The following MME variants were observed in gnomAD, a reference collection of about 807,000 sequenced individuals.
MME encodes neprilysin.
In MME, 98 loss-of-function variants were observed where a neutral mutation model predicts 113.2. The observed-to-expected ratio is 0.87, with a 90% CI of 0.74 to 1.02. MME has a LOEUF of 1.02. Among genes scored for constraint, MME ranks in the 50% least tolerant of loss-of-function variants. The probability of loss-of-function intolerance (pLI) is 0.00; values close to 1 mark genes in which losing one functional copy is unlikely to be tolerated. For missense variants in MME, 836 were observed against 896.0 expected, an observed-to-expected ratio of 0.93 and a Z score of 0.86; for synonymous variants, 292 against 300.6, an observed-to-expected ratio of 0.97 and a Z score of 0.30.
rs375985492 is a variant in MME at position 155,148,862 on chromosome 3, G to T, written c.1601+209G>T. On this transcript the variant is annotated intron_variant, in intron 16 of 22. Transcript: ENST00000360490. ...AGATTAAAATACCTTTCTCATTAAG[G>T]TATCCTCAAATTTACATGTCTTTAG... 2.4e-4 allele frequency among the ~76,000 whole-genome samples: 37 copies of T among 152,186 alleles called. No individual in the cohort carries two copies. The East Asian group carries it at 6.6e-3, about 27-fold the overall frequency.
intron 3 of MME, among the ~76,000 whole-genome samples, chr3:155,091,974 G>C (rs572719994): frequency 6.6e-6 from 1 of 152,272 alleles, no homozygotes; most frequent in South Asian, 2.1e-4. Context: ...AATGGTATAT[G>C]TATATAAAGT....
intron 3 of MME, among the ~76,000 whole-genome samples, chr3:155,105,425 G>C (rs1717605740): frequency 6.6e-6 from 1 of 152,176 alleles, no homozygotes; most frequent in South Asian, 2.1e-4. Flanking sequence ...AAAAGCATCA[G>C]CTTAAAATTA....
intron 1 of MME, among the ~76,000 whole-genome samples, chr3:155,049,671 CTA>C (rs60402470): frequency 9.2e-6 from 1 of 108,246 alleles, no homozygotes; most frequent in East Asian, 2.7e-4. Context: ...ATCTATCTAT[CTA>C]TATATAGAGA....
intron 1 of MME, among the ~76,000 whole-genome samples, chr3:155,048,618 G>GT (rs895909616): frequency 1.3e-4 from 19 of 151,960 alleles, no homozygotes; most frequent in Non-Finnish European, 2.5e-4. Context: ...CCTGCATACC[G>GT]TTTTTTTACA....
rs925599894 is a variant in MME at position 155,081,222 on chromosome 3, T to G, written c.-11+756T>G. 68 of 152,244 alleles carry G rather than the reference T, an allele frequency of 4.5e-4. 1 individual carries two copies. Among genetic ancestry groups the G allele is most frequent in the Non-Finnish European group, 1.0e-4 (7 of 68,042 alleles). 9.4% of individuals were successfully genotyped at this position (152,244 alleles called of 1,614,324 possible). A position where few individuals can be genotyped will look rare whatever the true frequency, so the allele number is the denominator to read the frequency against. Reference sequence around the variant, plus strand: ...CTGCAGATATAAGTTAATGTTATAATGTGCAGTGAAGATGAAAACTGCTTA... The same window carrying G: ...CTGCAGATATAAGTTAATGTTATAAGGTGCAGTGAAGATGAAAACTGCTTA... On this transcript the variant is annotated intron_variant, in intron 1 of 22. Coordinates refer to ENST00000360490, the MANE Select transcript of MME (RefSeq NM_007289.4).
At chr3:155,178,082 A>G (rs1479794976) in intron 22 of MME, among the ~76,000 whole-genome samples, 1 of 152,104 alleles carries the variant, frequency 6.6e-6, no homozygotes, top group Non-Finnish European at 1.5e-5. Context: ...TCATTCACAC[A>G]ACCTGCCATT....
At chr3:155,178,936 G>C (rs780630041) in intron 22 of MME, among the ~76,000 whole-genome samples, 6 of 152,156 alleles carry the variant, frequency 3.9e-5, no homozygotes, top group Non-Finnish European at 7.3e-5. Flanking sequence ...TACAAAGGCT[G>C]TATTTTGCCC....
At chr3:155,097,160 T>C (rs1196322210) in intron 3 of MME, among the ~76,000 whole-genome samples, 1 of 152,092 alleles carries the variant, frequency 6.6e-6, no homozygotes, top group African/African-American at 2.4e-5. Flanking sequence ...CACTGTGAGA[T>C]AGTTTAAATT....
intron 1 of MME, among the ~76,000 whole-genome samples, chr3:155,042,920 A>ATATATATATACG: frequency 1.7e-5 from 1 of 59,916 alleles, no homozygotes; most frequent in East Asian, 6.0e-4. Flanking sequence ...ATATATATAT[A>ATATATATATACG]TATATATATA....
At chr3:155,174,606 A>G (rs1408738427) in intron 22 of MME, among the ~76,000 whole-genome samples, 1 of 152,052 alleles carries the variant, frequency 6.6e-6, no homozygotes, top group African/African-American at 2.4e-5. Flanking sequence ...TTATATAGAA[A>G]TATTTCTGAA....
chr3:155,036,723 CTTTTGAA>C (rs1441722508), intron 1 of MME, among the ~76,000 whole-genome samples: 1 of 151,888 alleles, frequency 6.6e-6, no homozygotes, highest in Admixed American at 6.6e-5. Context: ...CTTGTCTTTT[CTTTTGAA>C]TAGTAGAACT....
At chr3:155,056,969 G>T (rs550809644) in intron 1 of MME, among the ~76,000 whole-genome samples, 1 of 152,096 alleles carries the variant, frequency 6.6e-6, no homozygotes, top group African/African-American at 2.4e-5. Context: ...AGACTTAAAC[G>T]TTAGACCTAA....
In MME at chr3:155,115,166, A is replaced by G; in HGVS notation, c.358+11A>G. 5 of 1,613,650 alleles carry G rather than the reference A, an allele frequency of 3.1e-6. No individual in the cohort carries two copies. Among genetic ancestry groups the G allele is most frequent in the Non-Finnish European group, 4.2e-6 (5 of 1,179,772 alleles). On this transcript the variant is annotated intron_variant, in intron 4 of 22. Coordinates refer to ENST00000360490, the MANE Select transcript of MME (RefSeq NM_007289.4). ...AAGTCGTTTTGAAAGGTTAGTAGAG[A>G]TTGTGTCTGTGCATCAAAGATTTCT... is the stretch of plus-strand genomic sequence containing the variant.
intron 1 of MME, among the ~76,000 whole-genome samples, chr3:155,054,698 T>A (rs1031037764): frequency 1.8e-4 from 28 of 152,242 alleles, no homozygotes; most frequent in Middle Eastern, 6.8e-3. Flanking sequence ...ACCCCTGTAG[T>A]CCTAGCTACT....
chr3:155,124,961 C>A (rs556170249), intron 8 of MME, among the ~76,000 whole-genome samples: 36 of 152,298 alleles, frequency 2.4e-4, no homozygotes, highest in Non-Finnish European at 1.9e-4. Context: ...TTCGAGCTTC[C>A]GGGCTGCTTT....
intron 3 of MME, among the ~76,000 whole-genome samples, chr3:155,104,440 C>A (rs896314776): frequency 2.0e-5 from 3 of 152,142 alleles, no homozygotes; most frequent in South Asian, 4.1e-4. Flanking sequence ...TAGAAAAGAG[C>A]CTTTTTAGAA....
At chr3:155,139,143 T>C (rs1306087844) in intron 9 of MME, among the ~76,000 whole-genome samples, 1 of 152,038 alleles carries the variant, frequency 6.6e-6, no homozygotes, top group Non-Finnish European at 1.5e-5. Flanking sequence ...TTTGAATGGG[T>C]TACATGTGGT....
At chr3:155,042,936 A>ATATATATATATATC (rs1373416655) in intron 1 of MME, among the ~76,000 whole-genome samples, 1 of 38,944 alleles carries the variant, frequency 2.6e-5, no homozygotes, top group Non-Finnish European at 4.2e-5. Flanking sequence ...ATATATATAT[A>ATATATATATATATC]TATGTATATA....
At chr3:155,049,675 A>C (rs201290706) in intron 1 of MME, among the ~76,000 whole-genome samples, 25 of 149,426 alleles carry the variant, frequency 1.7e-4, no homozygotes, top group African/African-American at 2.5e-4. Flanking sequence ...ATCTATCTAT[A>C]TATAGAGAGA....
Sources: allele counts gnomAD v4.1 joint callset (sites outside exome capture counted in the v4.1 genomes callset), GRCh38; gene constraint gnomAD v4.1.1; transcripts MANE v1.5; gene names NCBI Gene and HGNC (gene_info 2026-07-23, HGNC 2026-07-21).